KIFBP: variants seen among roughly 807,000 people sequenced by gnomAD.
KIFBP encodes the protein KIF-binding protein.
Under a neutral mutation model 58.9 loss-of-function variants are expected in KIFBP, and 46 were observed. That is an observed-to-expected ratio of 0.78 (90% CI 0.62 to 1.00). The LOEUF (loss-of-function observed/expected upper bound fraction) is 1.00, where lower values mean the gene tolerates loss of function less well. KIFBP is among the 50% of genes least tolerant of loss of function. The pLI is 0.00. For synonymous variants in KIFBP, 241 were observed against 283.4 expected (o/e 0.85, Z 1.50); for missense variants, 651 against 752.9 (o/e 0.86, Z 1.58).
At chr10:69,012,622 C>A (rs950864630) in intron 6 of KIFBP, among the ~76,000 whole-genome samples, 4 of 151,792 alleles carry the variant, frequency 2.6e-5, no homozygotes, top group African/African-American at 9.7e-5. Context: ...CCAGGTACAG[C>A]GCCTCATGCC....
At chr10:69,000,064 A>T (rs967540704) in intron 1 of KIFBP, among the ~76,000 whole-genome samples, 1 of 151,802 alleles carries the variant, frequency 6.6e-6, no homozygotes, top group Non-Finnish European at 1.5e-5. Flanking sequence ...AAAAAAAAAA[A>T]AGCAGGCAAT....
chr10:69,011,984 C>G (rs1843599453), intron 6 of KIFBP, among the ~76,000 whole-genome samples: 1 of 152,062 alleles, frequency 6.6e-6, no homozygotes, highest in African/African-American at 2.4e-5. Flanking sequence ...AGCAACCACA[C>G]CTGGCCAAGC....
At chr10:69,011,222 G>GGACC in intron 6 of KIFBP, 2 of 529,556 alleles carry the variant, frequency 3.8e-6, no homozygotes, top group South Asian at 3.8e-5. Flanking sequence ...AGCCGAGATT[G>GGACC]GACCACTGCA....
chr10:69,010,750 G>T (rs1436916664), intron 5 of KIFBP, 150 bp from the exon 6 acceptor site: 2 of 654,394 alleles, frequency 3.1e-6, no homozygotes, highest in South Asian at 1.7e-5. Context: ...ATTTGGGGGG[G>T]GATCTTTCTT....
chr10:69,015,423 A>C, intron 6 of KIFBP, 118 bp from the exon 7 acceptor site: 1 of 968,664 alleles, frequency 1.0e-6, no homozygotes. Flanking sequence ...TACCCTTCTA[A>C]ACCAGGCTGG....
chr10:68,995,175 C>T (rs11817988), intron 1 of KIFBP: 17,445 of 152,046 alleles, frequency 0.11, 1,249 homozygotes, highest in Admixed American at 0.18. Flanking sequence ...CACACCACCA[C>T]GCCCAGCTAA....
rs1347981384 is a variant in KIFBP at position 69,000,497 on chromosome 10, C to T, written c.500C>T (p.Ala167Val). The change falls in exon 2 of 7, where the codon GCA becomes GTA. Residue 167 changes from alanine (A) to valine (V), a missense_variant. Physicochemically the swap from Ala to Val is moderately conservative, Grantham distance 64. Transcript: ENST00000361983. ...CAGGCTTACCTAGAGTCATCAGAAG[C>T]ACTATATAATCAGTATATGAAAGAG... Reference protein sequence around the residue: ...TAQAYLESSEALYNQYMKEVG... With the variant: ...TAQAYLESSEVLYNQYMKEVG... The T allele has an allele frequency of 6.2e-7, 1 of 1,607,500 alleles. No individual in the cohort carries two copies. The highest frequency in any genetic ancestry group is 8.5e-7 in the Non-Finnish European group (1 of 1,174,264).
rs370609098 is a variant in KIFBP at position 68,988,838 on chromosome 10, G to A, written c.6G>A (p.Ala2=). Reference sequence around the variant, plus strand: ...GCCAGGCAGTAGAGGCCGCTATGGCGAACGTTCCGTGGGCAGAGGTCTGCG... The same window carrying A: ...GCCAGGCAGTAGAGGCCGCTATGGCAAACGTTCCGTGGGCAGAGGTCTGCG... M[A]NVPWAEVCEK... The change falls in exon 1 of 7, where the codon GCG becomes GCA. Residue 2 remains alanine, a synonymous_variant. Coordinates refer to ENST00000361983, the MANE Select transcript of KIFBP (RefSeq NM_015634.4). 1 of 1,614,262 alleles carries A rather than the reference G, an allele frequency of 6.2e-7. No homozygotes were observed. The highest frequency in any genetic ancestry group is 8.5e-7 in the Non-Finnish European group (1 of 1,180,056).
chr10:69,003,895 G>A (rs545022263), intron 2 of KIFBP, among the ~76,000 whole-genome samples: 1 of 152,148 alleles, frequency 6.6e-6, no homozygotes, highest in South Asian at 2.1e-4. Flanking sequence ...TTTTAAAAGA[G>A]CCCTTTTACC....
At chr10:68,998,097 A>C (rs76724029) in intron 1 of KIFBP, among the ~76,000 whole-genome samples, 125 of 152,278 alleles carry the variant, frequency 8.2e-4, no homozygotes, top group African/African-American at 2.8e-3. Flanking sequence ...CAATATGAGA[A>C]TGGACTAATA....
chr10:68,992,495 A>G (rs1843360969), intron 1 of KIFBP, among the ~76,000 whole-genome samples: 1 of 152,206 alleles, frequency 6.6e-6, no homozygotes, highest in Admixed American at 6.5e-5. Flanking sequence ...CTCAAGAAGA[A>G]CAATCTAATG....
intron 5 of KIFBP, among the ~76,000 whole-genome samples, chr10:69,009,248 A>G (rs1843567253): frequency 6.6e-6 from 1 of 152,166 alleles, no homozygotes; most frequent in African/African-American, 2.4e-5. Flanking sequence ...CACGCCTGTA[A>G]TGCTAGATTT....
At chr10:68,998,524 AT>A (rs1438075240) in intron 1 of KIFBP, among the ~76,000 whole-genome samples, 1 of 151,674 alleles carries the variant, frequency 6.6e-6, no homozygotes, top group Non-Finnish European at 1.5e-5. Context: ...GTGAAAAGAA[AT>A]TTGTATTTTT....
chr10:69,011,110 G>T, intron 6 of KIFBP, 95 bp downstream of exon 6: 1 of 812,914 alleles, frequency 1.2e-6, no homozygotes, highest in Non-Finnish European at 2.1e-6. Context: ...GTCACATTGT[G>T]TTTAATATGA....
chr10:68,999,413 T>TAAA (rs529179791), intron 1 of KIFBP, among the ~76,000 whole-genome samples: 377 of 150,234 alleles, frequency 2.5e-3, no homozygotes, highest in African/African-American at 4.8e-3. Context: ...CTTTTTTTTT[T>TAAA]AAAAAAAAAG....
At chr10:69,005,177 T>A (rs1324766131) in intron 3 of KIFBP, 52 bp downstream of exon 3, 1 of 1,305,882 alleles carries the variant, frequency 7.7e-7, no homozygotes, top group East Asian at 2.3e-5. Flanking sequence ...TATCATAGAT[T>A]AGTGATTGTT....
At chr10:68,990,267 C>T (rs942268057) in intron 1 of KIFBP, among the ~76,000 whole-genome samples, 1 of 152,082 alleles carries the variant, frequency 6.6e-6, no homozygotes, top group Non-Finnish European at 1.5e-5. Context: ...CAGTGGCTCC[C>T]ATCTGTAATC....
Position 69,007,103 on chromosome 10 carries a change from T to G in KIFBP, c.789+1188T>G, listed in dbSNP as rs893396850. Among the ~76,000 whole-genome samples the G allele has an allele frequency of 7.9e-5, 12 of 152,206 alleles. No individual in the cohort carries two copies. The East Asian group carries it at 1.9e-3, about 24-fold the overall frequency. ...CAACTTTAAAATTACATATTCACTG[T>G]GACTTTAATTTATACTTAAAACTCC... On this transcript the variant is annotated intron_variant, in intron 4 of 6. Transcript: ENST00000361983.
chr10:68,998,930 C>G (rs1378082515), intron 1 of KIFBP, among the ~76,000 whole-genome samples: 2 of 150,976 alleles, frequency 1.3e-5, no homozygotes, highest in East Asian at 3.9e-4. Flanking sequence ...CATCTGCCAC[C>G]ACACTCGGCT....
Sources: allele counts gnomAD v4.1 joint callset (sites outside exome capture counted in the v4.1 genomes callset), GRCh38; gene constraint gnomAD v4.1.1; transcripts MANE v1.5; gene names NCBI Gene and HGNC (gene_info 2026-07-23, HGNC 2026-07-21).